Variants in NCKAP5 observed in about 807,000 individuals in gnomAD.
The protein encoded by NCKAP5 is NCK associated protein 5.
Under a neutral mutation model 167.0 loss-of-function variants are expected in NCKAP5, and 92 were observed. The observed-to-expected ratio is 0.55, with a 90% CI of 0.47 to 0.66. The LOEUF (loss-of-function observed/expected upper bound fraction) is 0.66. Ranked by LOEUF, NCKAP5 falls within the 30% of genes least tolerant of loss-of-function variation. The pLI is 0.00. For synonymous variants in NCKAP5, 891 were observed against 877.4 expected (o/e 1.02, Z -0.27); for missense variants, 2,378 against 2,315.0 (o/e 1.03, Z -0.56).
intron 5 of NCKAP5, among the ~76,000 whole-genome samples, chr2:133,163,003 G>T (rs1439156635): frequency 1.3e-5 from 2 of 152,164 alleles, no homozygotes; most frequent in African/African-American, 4.8e-5. Context: ...AAAGAGAACT[G>T]CCCAAGGAAA....
intron 15 of NCKAP5, among the ~76,000 whole-genome samples, chr2:132,775,066 TCC>T: frequency 6.6e-6 from 1 of 152,184 alleles, no homozygotes; most frequent in South Asian, 2.1e-4. Flanking sequence ...TAAAATACAT[TCC>T]AGACAGCCAC....
At chr2:133,630,605 A>G in the NCKAP5 span, among the ~76,000 whole-genome samples, 1 of 152,196 alleles carries the variant, frequency 6.6e-6, no homozygotes, top group African/African-American at 2.4e-5. Flanking sequence ...CTTAAAAAAA[A>G]AAATGGCTTG....
intron 8 of NCKAP5, among the ~76,000 whole-genome samples, chr2:132,883,439 T>A (rs1050631066): frequency 1.3e-5 from 2 of 152,188 alleles, no homozygotes; most frequent in African/African-American, 4.8e-5. Flanking sequence ...TGGTCTTATG[T>A]TCTTTTGCTT....
At chr2:132,844,896 A>G (rs1438675471) in intron 11 of NCKAP5, among the ~76,000 whole-genome samples, 1 of 152,208 alleles carries the variant, frequency 6.6e-6, no homozygotes, top group East Asian at 1.9e-4. Flanking sequence ...CATGCGGTTT[A>G]CATTTTCAAC....
intron 4 of NCKAP5, among the ~76,000 whole-genome samples, chr2:133,225,835 T>C (rs2086861816): frequency 7.3e-6 from 1 of 136,482 alleles, no homozygotes; most frequent in South Asian, 2.4e-4. Flanking sequence ...CAGGCTGGAG[T>C]TCAGTGGCGC....
At chr2:133,330,244 A>ATTTT (rs765058418) in intron 3 of NCKAP5, among the ~76,000 whole-genome samples, 1,472 of 87,710 alleles carry the variant, frequency 0.017, 2 homozygotes, top group Non-Finnish European at 0.021. Context: ...TATTTTTTGT[A>ATTTT]TTTTTTTTTT....
chr2:133,066,264 A>G (rs1254288696), intron 6 of NCKAP5, among the ~76,000 whole-genome samples: 1 of 152,236 alleles, frequency 6.6e-6, no homozygotes, highest in Non-Finnish European at 1.5e-5. Context: ...GTTAGAACTC[A>G]CAATTGAGCC....
chr2:133,520,471 C>A (rs1037992887), intron 2 of NCKAP5, among the ~76,000 whole-genome samples: 1 of 152,112 alleles, frequency 6.6e-6, no homozygotes. Flanking sequence ...ATAATAGGAC[C>A]TTCTTCATAG....
Position 133,564,251 on chromosome 2 carries a change from G to A in NCKAP5, c.-130+3965C>T, listed in dbSNP as rs549202069. 3.3e-5 allele frequency among the ~76,000 whole-genome samples: 5 copies of A among 152,304 alleles called. No individual in the cohort carries two copies. The East Asian group carries it at 9.6e-4, about 29-fold the overall frequency. ...GCATCAGTATTTTTGCTTGGACAAT[G>A]AATACAATGATCATAATAAGATAGC... On this transcript the variant is annotated intron_variant, in intron 1 of 19. Coordinates refer to ENST00000409261, the MANE Select transcript of NCKAP5 (RefSeq NM_207363.3).
intron 4 of NCKAP5, among the ~76,000 whole-genome samples, chr2:133,237,279 T>G (rs914289934): frequency 6.6e-6 from 1 of 152,156 alleles, no homozygotes; most frequent in African/African-American, 2.4e-5. Flanking sequence ...AGTAAACCCT[T>G]GCTTGATGGA....
intron 6 of NCKAP5, among the ~76,000 whole-genome samples, chr2:133,041,793 T>C (rs1322945927): frequency 6.6e-6 from 1 of 152,166 alleles, no homozygotes; most frequent in Non-Finnish European, 1.5e-5. Context: ...TGATTAAAAG[T>C]GCAAACATTG....
At chr2:133,035,762 T>C (rs1438297539) in intron 6 of NCKAP5, among the ~76,000 whole-genome samples, 1 of 151,564 alleles carries the variant, frequency 6.6e-6, no homozygotes, top group Non-Finnish European at 1.5e-5. Flanking sequence ...AATCTAATGA[T>C]GCATCTTAAA....
intron 3 of NCKAP5, among the ~76,000 whole-genome samples, chr2:133,450,041 C>A (rs1014407529): frequency 6.6e-6 from 1 of 152,094 alleles, no homozygotes; most frequent in Non-Finnish European, 1.5e-5. Context: ...AAAGATGTAC[C>A]TACCAGAAAC....
chr2:132,947,290 T>C (rs1472964539), intron 8 of NCKAP5, among the ~76,000 whole-genome samples: 2 of 152,212 alleles, frequency 1.3e-5, no homozygotes, highest in Non-Finnish European at 2.9e-5. Context: ...TAACTCTTCA[T>C]AAAGGTCATT....
intron 4 of NCKAP5, among the ~76,000 whole-genome samples, chr2:133,248,122 G>A (rs1428622224): frequency 6.6e-6 from 1 of 152,196 alleles, no homozygotes. Flanking sequence ...ACTTGTCCAT[G>A]TGCAGTTGCT....
At chr2:133,462,187 C>T (rs1428693502) in intron 3 of NCKAP5, among the ~76,000 whole-genome samples, 1 of 152,198 alleles carries the variant, frequency 6.6e-6, no homozygotes, top group Non-Finnish European at 1.5e-5. Context: ...ATCTTCCAGG[C>T]AGTACAGTCA....
At chr2:133,175,333 A>T (rs1156760770) in intron 5 of NCKAP5, among the ~76,000 whole-genome samples, 1 of 151,908 alleles carries the variant, frequency 6.6e-6, no homozygotes, top group Non-Finnish European at 1.5e-5. Context: ...ACTTTATAGT[A>T]TTTTTTCATG....
intron 4 of NCKAP5, among the ~76,000 whole-genome samples, chr2:133,262,046 C>A (rs1403412168): frequency 6.6e-6 from 1 of 152,206 alleles, no homozygotes; most frequent in African/African-American, 2.4e-5. Flanking sequence ...ATTAAAAGAC[C>A]ATAGCTGCTA....
intron 19 of NCKAP5, among the ~76,000 whole-genome samples, chr2:132,716,057 T>C (rs1303204638): frequency 6.6e-6 from 1 of 152,176 alleles, no homozygotes; most frequent in Non-Finnish European, 1.5e-5. Flanking sequence ...CACAGCAGAT[T>C]AGTATCCCCT....
Sources: allele counts gnomAD v4.1 joint callset (sites outside exome capture counted in the v4.1 genomes callset), GRCh38; gene constraint gnomAD v4.1.1; transcripts MANE v1.5; gene names NCBI Gene and HGNC (gene_info 2026-07-23, HGNC 2026-07-21).